Variants in WWOX observed in about 807,000 individuals in gnomAD.
WWOX encodes the protein WW domain-containing oxidoreductase.
WWOX carries 69 observed loss-of-function variants against 46.2 expected under a neutral mutation model. The ratio of observed to expected loss-of-function variants is 1.49; its 90% CI spans 1.23 to 1.82. The LOEUF (loss-of-function observed/expected upper bound fraction) is 1.82. Ranked by LOEUF, WWOX falls within the 40% of genes most tolerant of loss-of-function variation. The pLI is 0.00. For missense variants in WWOX, 919 were observed against 542.6 expected (o/e 1.69, Z -6.89); for synonymous variants, 359 against 202.6 (o/e 1.77, Z -6.56).
At chr16:79,166,916 G>A (rs1289610030) in intron 8 of WWOX, among the ~76,000 whole-genome samples, 2 of 151,874 alleles carry the variant, frequency 1.3e-5, no homozygotes, top group South Asian at 2.1e-4. Flanking sequence ...TACAACACTC[G>A]GTAAATTTCA....
rs1347390126 is a variant in WWOX at position 78,786,768 on chromosome 16, A to C, written c.1056+354016A>C. 2.6e-5 allele frequency among the ~76,000 whole-genome samples: 4 copies of C among 152,238 alleles called. No individual in the cohort carries two copies. In the East Asian group the frequency reaches 7.7e-4, roughly 29 times the overall value. On this transcript the variant is annotated intron_variant, in intron 8 of 8. Coordinates refer to ENST00000566780, the MANE Select transcript of WWOX (RefSeq NM_016373.4). ...TTATCATTAAAGACAGCAGGCAGTT[A>C]CACAACATCTTCTACATGCCAAGAA...
chr16:78,490,688 C>T (rs1389598806), intron 8 of WWOX, among the ~76,000 whole-genome samples: 1 of 152,126 alleles, frequency 6.6e-6, no homozygotes, highest in Non-Finnish European at 1.5e-5. Context: ...AACCATTTGG[C>T]CCTCAGTTCT....
chr16:79,191,272 T>C (rs2051130793), intron 8 of WWOX, among the ~76,000 whole-genome samples: 1 of 152,022 alleles, frequency 6.6e-6, no homozygotes, highest in African/African-American at 2.4e-5. Context: ...CCCAGGCTGG[T>C]CTCGAACTCC....
At chr16:78,296,014 G>A (rs1016903287) in intron 5 of WWOX, among the ~76,000 whole-genome samples, 1 of 152,206 alleles carries the variant, frequency 6.6e-6, no homozygotes, top group Non-Finnish European at 1.5e-5. Flanking sequence ...GTCATCACTA[G>A]GGTAGAATCT....
intron 8 of WWOX, among the ~76,000 whole-genome samples, chr16:78,974,309 G>C (rs1446864812): frequency 6.6e-6 from 1 of 152,212 alleles, no homozygotes; most frequent in Non-Finnish European, 1.5e-5. Context: ...CCGCCTTCCA[G>C]TACAGATAAT....
Position 78,982,848 on chromosome 16 carries a change from C to G in WWOX, c.1057-228760C>G, listed in dbSNP as rs532566401. Among the ~76,000 whole-genome samples the G allele has an allele frequency of 2.0e-5, 3 of 152,242 alleles. No homozygotes were observed. The East Asian group carries it at 5.8e-4, about 29-fold the overall frequency. On this transcript the variant is annotated intron_variant, in intron 8 of 8. Coordinates refer to ENST00000566780, the MANE Select transcript of WWOX (RefSeq NM_016373.4). ...CCCTTCTGAGCCCCTCTTTATCCTT[C>G]CTGTGATGGCTAAACTAATTTCATC...
chr16:78,505,153 A>G (rs2085162760), intron 8 of WWOX, among the ~76,000 whole-genome samples: 1 of 152,138 alleles, frequency 6.6e-6, no homozygotes, highest in African/African-American at 2.4e-5. Context: ...TTCAAATCTA[A>G]AGATCTTTTA....
chr16:78,172,428 G>C (rs1337903264), intron 5 of WWOX, among the ~76,000 whole-genome samples: 1 of 151,830 alleles, frequency 6.6e-6, no homozygotes, highest in Non-Finnish European at 1.5e-5. Context: ...AGACATAATC[G>C]GTTGCTAAAA....
At chr16:78,512,537 T>A (rs1394705731) in intron 8 of WWOX, among the ~76,000 whole-genome samples, 2 of 152,138 alleles carry the variant, frequency 1.3e-5, no homozygotes, top group East Asian at 3.8e-4. Flanking sequence ...TGATTAGAAA[T>A]GGAATTTTTA....
At chr16:79,151,156 T>A (rs1597422549) in intron 8 of WWOX, among the ~76,000 whole-genome samples, 2 of 152,364 alleles carry the variant, frequency 1.3e-5, no homozygotes, top group South Asian at 2.1e-4. Context: ...CCTCCTGCTT[T>A]CCATATGTTA....
chr16:78,466,118 G>T (rs1480613819), intron 8 of WWOX, among the ~76,000 whole-genome samples: 1 of 151,822 alleles, frequency 6.6e-6, no homozygotes, highest in Non-Finnish European at 1.5e-5. Flanking sequence ...TGCAAGCTCC[G>T]CCTCCCAGGT....
intron 8 of WWOX, among the ~76,000 whole-genome samples, chr16:79,067,578 C>A (rs192678839): frequency 5.1e-4 from 71 of 139,194 alleles, no homozygotes; most frequent in Admixed American, 9.6e-4. Flanking sequence ...ACTAATACTT[C>A]ATGCTCATCC....
chr16:79,081,213 G>A (rs918607820), intron 8 of WWOX, among the ~76,000 whole-genome samples: 5 of 152,160 alleles, frequency 3.3e-5, no homozygotes, highest in African/African-American at 9.7e-5. Context: ...GCCCAGGCTC[G>A]AGTGCAGTGG....
intron 8 of WWOX, among the ~76,000 whole-genome samples, chr16:78,597,029 C>G (rs2045507362): frequency 6.6e-6 from 1 of 152,222 alleles, no homozygotes. Flanking sequence ...CCCTCCCAAT[C>G]TCATTGCTGC....
At chr16:78,679,729 C>G (rs563275323) in intron 8 of WWOX, among the ~76,000 whole-genome samples, 1 of 152,264 alleles carries the variant, frequency 6.6e-6, no homozygotes, top group Admixed American at 6.5e-5. Flanking sequence ...GTGGAAAATG[C>G]ACATTTAATA....
At chr16:78,606,803 C>CAAT (rs138270756) in intron 8 of WWOX, among the ~76,000 whole-genome samples, 9,530 of 142,940 alleles carry the variant, frequency 0.067, 341 homozygotes, top group South Asian at 0.12. Context: ...AGGCAAAAAT[C>CAAT]AATAGCCCAC....
At chr16:78,385,157 A>ACACACC (rs1319413532) in intron 5 of WWOX, among the ~76,000 whole-genome samples, 3 of 151,884 alleles carry the variant, frequency 2.0e-5, no homozygotes, top group African/African-American at 7.3e-5. Flanking sequence ...ACACACACAC[A>ACACACC]CACAAAAGCA....
At chr16:78,436,925 G>T (rs920532905) in intron 8 of WWOX, among the ~76,000 whole-genome samples, 1 of 152,172 alleles carries the variant, frequency 6.6e-6, no homozygotes, top group Admixed American at 6.5e-5. Context: ...TATAAGCCAC[G>T]CAGTTGCATC....
chr16:78,781,736 C>T (rs534138105), intron 8 of WWOX, among the ~76,000 whole-genome samples: 2 of 152,142 alleles, frequency 1.3e-5, no homozygotes, highest in African/African-American at 4.8e-5. Context: ...GATGGCACCC[C>T]TGCACTCCAG....
Sources: allele counts gnomAD v4.1 joint callset (sites outside exome capture counted in the v4.1 genomes callset), GRCh38; gene constraint gnomAD v4.1.1; transcripts MANE v1.5; gene names NCBI Gene and HGNC (gene_info 2026-07-23, HGNC 2026-07-21).